Variants in PMPCB observed in about 807,000 individuals in gnomAD.
The protein encoded by PMPCB is peptidase, mitochondrial processing subunit beta.
In PMPCB, 46 loss-of-function variants were observed where a neutral mutation model predicts 61.5. That is an observed-to-expected ratio of 0.75 (90% CI 0.59 to 0.96). The LOEUF (loss-of-function observed/expected upper bound fraction) is 0.96. Among genes scored for constraint, PMPCB ranks in the 40% least tolerant of loss-of-function variants. The pLI is 0.00. For missense variants in PMPCB, 590 were observed against 602.4 expected, an observed-to-expected ratio of 0.98 and a Z score of 0.22; for synonymous variants, 191 against 201.6, an observed-to-expected ratio of 0.95 and a Z score of 0.44.
exon 13 of PMPCB, chr7:103,329,469 AAAAC>A (rs974175877): frequency 6.6e-6 from 1 of 152,312 alleles, no homozygotes; most frequent in African/African-American, 2.4e-5. Flanking sequence ...TTATGTTTCA[AAAAC>A]AGTCATCTTT....
At chr7:103,316,740 C>G, downstream of PMPCB, 1 of 1,097,908 alleles carries the variant, frequency 9.1e-7, no homozygotes, top group Non-Finnish European at 1.3e-6. Flanking sequence ...CTGCAAGTTT[C>G]TGTGATAACA....
At chr7:103,315,173 T>G (rs1028711865), downstream of PMPCB, among the ~76,000 whole-genome samples, 1 of 148,730 alleles carries the variant, frequency 6.7e-6, no homozygotes, top group African/African-American at 2.4e-5. Context: ...CCTAACATTT[T>G]TTTTTTTTTT....
the PMPCB span, chr7:103,344,675 G>C: frequency 6.3e-7 from 1 of 1,579,574 alleles, no homozygotes; most frequent in Non-Finnish European, 8.6e-7. Context: ...CCGGGCGGAG[G>C]GCGCTTAGGG....
the PMPCB span, chr7:103,344,363 C>A: frequency 1.6e-6 from 1 of 608,992 alleles, no homozygotes; most frequent in East Asian, 2.8e-5. Flanking sequence ...AAGGAAGGCA[C>A]CCCTCACCCT....
chr7:103,327,770 G>A, intron 12 of PMPCB: 2 of 1,571,412 alleles, frequency 1.3e-6, no homozygotes, highest in Non-Finnish European at 1.7e-6. Context: ...AAACCAGTCA[G>A]ATTGAGATAA....
chr7:103,301,004 T>C (rs965435168), intron 4 of PMPCB, among the ~76,000 whole-genome samples: 1 of 152,200 alleles, frequency 6.6e-6, no homozygotes, highest in African/African-American at 2.4e-5. Flanking sequence ...TTTTTAACCT[T>C]TAAGGTCCTT....
chr7:103,322,775 T>C (rs757152376), intron 12 of PMPCB: 1 of 1,606,140 alleles, frequency 6.2e-7, no homozygotes, highest in Admixed American at 1.7e-5. Flanking sequence ...TGCTTTTCAA[T>C]CCATCTCCTC....
At chr7:103,318,146 C>T (rs1197967530), downstream of PMPCB, among the ~76,000 whole-genome samples, 2 of 151,908 alleles carry the variant, frequency 1.3e-5, no homozygotes, top group East Asian at 3.9e-4. Context: ...TTTCCCACTC[C>T]ATTTCCCCAT....
chr7:103,311,953 CTGAGAA>C, intron 11 of PMPCB, 57 bp downstream of exon 11: 1 of 1,518,546 alleles, frequency 6.6e-7, no homozygotes, highest in South Asian at 1.2e-5. Context: ...GTTACAAAAG[CTGAGAA>C]TATGTATCTT....
chr7:103,305,022 G>A (rs759303923), intron 6 of PMPCB, among the ~76,000 whole-genome samples: 16 of 152,094 alleles, frequency 1.1e-4, no homozygotes, highest in Admixed American at 2.6e-4. Context: ...ATACATAAGC[G>A]TACATAGTAG....
At chr7:103,305,936 T>G (rs956820803) in intron 6 of PMPCB, among the ~76,000 whole-genome samples, 5 of 152,206 alleles carry the variant, frequency 3.3e-5, no homozygotes, top group Non-Finnish European at 5.9e-5. Flanking sequence ...TGGTGGCATG[T>G]GGACAAAATG....
chr7:103,327,347 G>T, intron 12 of PMPCB: 1 of 1,298,386 alleles, frequency 7.7e-7, no homozygotes, highest in Non-Finnish European at 1.0e-6. Flanking sequence ...TTAACTGTAG[G>T]ATGAGCTTCT....
At chr7:103,329,579 A>C (rs527320133), downstream of PMPCB, 8 of 152,318 alleles carry the variant, frequency 5.3e-5, no homozygotes, top group Admixed American at 1.3e-4. Context: ...AAAATTTTTT[A>C]ATCTTTTTGG....
At chr7:103,322,856 A>G (rs1364552631) in intron 12 of PMPCB, 1 of 1,234,162 alleles carries the variant, frequency 8.1e-7, no homozygotes, top group East Asian at 2.5e-5. Context: ...TGGAAAATGC[A>G]ATATTTTATA....
At chr7:103,339,551 C>T in the PMPCB span, among the ~76,000 whole-genome samples, 572 of 152,258 alleles carry the variant, frequency 3.8e-3, 4 homozygotes, top group African/African-American at 0.014. Context: ...GATCATTTTA[C>T]TCAAACTGCT....
intron 12 of PMPCB, chr7:103,327,369 C>G (rs1181500289): frequency 8.0e-7 from 1 of 1,245,706 alleles, no homozygotes; most frequent in Non-Finnish European, 1.1e-6. Context: ...ATAAGAATCA[C>G]CTGGGGATCC....
At chr7:103,347,251 T>C in the PMPCB span, among the ~76,000 whole-genome samples, 1 of 152,220 alleles carries the variant, frequency 6.6e-6, no homozygotes, top group Admixed American at 6.5e-5. Context: ...TCTTAATAGG[T>C]ATGTGGTGGC....
the PMPCB span, among the ~76,000 whole-genome samples, chr7:103,345,340 A>C: frequency 1.3e-5 from 2 of 152,136 alleles, no homozygotes; most frequent in Non-Finnish European, 2.9e-5. Context: ...GATATTCCCA[A>C]TTATAGGACT....
chr7:103,311,548 T>A, intron 9 of PMPCB, 95 bp from the exon 10 acceptor site: 1 of 794,748 alleles, frequency 1.3e-6, no homozygotes, highest in Non-Finnish European at 2.1e-6. Flanking sequence ...TAATCACCTG[T>A]ATGTTTTGTG....
Sources: gnomAD v4.1 joint callset for allele counts (sites outside exome capture counted in the v4.1 genomes callset) on GRCh38, gnomAD v4.1.1 for gene constraint, MANE v1.5 for transcripts, NCBI Gene and HGNC (gene_info 2026-07-23, HGNC 2026-07-21) for gene names.